The following ANLN variants were observed in gnomAD, a reference collection of about 807,000 sequenced individuals.
The protein encoded by ANLN is anillin, actin binding protein, also known as anillin.
Under a neutral mutation model 135.1 loss-of-function variants are expected in ANLN, and 59 were observed. The observed-to-expected ratio is 0.44, with a 90% CI of 0.35 to 0.54. The LOEUF (loss-of-function observed/expected upper bound fraction) is 0.54. Ranked by LOEUF, ANLN falls within the 20% of genes least tolerant of loss-of-function variation. The probability of loss-of-function intolerance (pLI) is 0.00; values close to 1 mark genes in which losing one functional copy is unlikely to be tolerated. For missense variants in ANLN, 1,182 were observed against 1,340.0 expected, an observed-to-expected ratio of 0.88 and a Z score of 1.84; for synonymous variants, 406 against 456.4, an observed-to-expected ratio of 0.89 and a Z score of 1.41.
chr7:36,431,947 C>G (rs1296678404), intron 20 of ANLN, among the ~76,000 whole-genome samples: 1 of 152,046 alleles, frequency 6.6e-6, no homozygotes, highest in African/African-American at 2.4e-5. Context: ...CACTGTAGCT[C>G]ATACCTACAA....
rs140434896 is a variant in ANLN at position 36,419,059 on chromosome 7, T to C, written c.1634-185T>C. ...AATATTCATTTCTTAGAAAGTGTTA[T>C]TGAAGCTGAAGATTTTCTTGGTTTC... On this transcript the variant is annotated intron_variant, in intron 9 of 23. Coordinates refer to ENST00000265748, the MANE Select transcript of ANLN (RefSeq NM_018685.5). 0.014 allele frequency among the ~76,000 whole-genome samples: 2,070 copies of C among 152,338 alleles called. 21 individuals are homozygous for C. The highest frequency in any genetic ancestry group is 0.018 in the Non-Finnish European group (1,209 of 68,022).
intron 20 of ANLN, among the ~76,000 whole-genome samples, chr7:36,435,386 G>C (rs929844289): frequency 4.4e-5 from 3 of 68,232 alleles, no homozygotes; most frequent in South Asian, 5.3e-4. Context: ...TAGAGATGGT[G>C]GGGGGGGGGT....
rs1057061233 is a variant in ANLN at position 36,428,095 on chromosome 7, G to A, written c.2883+1067G>A. Among the ~76,000 whole-genome samples, 31 of 152,144 alleles carry A rather than the reference G, an allele frequency of 2.0e-4. 1 individual carries two copies. Among genetic ancestry groups the A allele is most frequent in the Admixed American group, 2.0e-3 (30 of 15,268 alleles). The stretch of plus-strand genomic sequence containing the variant: ...CAGTACAGAAATATTAGTTTAGCCT[G>A]AAACAATCTAAAATTCTATGAAATG... On this transcript the variant is annotated intron_variant, in intron 20 of 23. Transcript: ENST00000265748.
chr7:36,439,164 T>C (rs370202224), intron 20 of ANLN, 40 bp from the exon 21 acceptor site: 54 of 1,142,526 alleles, frequency 4.7e-5, no homozygotes, highest in Non-Finnish European at 6.6e-5. Flanking sequence ...AATCACACTT[T>C]GAACCTGTTT....
intron 1 of ANLN, among the ~76,000 whole-genome samples, chr7:36,391,444 CTT>C (rs1265120231): frequency 6.6e-6 from 1 of 152,278 alleles, no homozygotes; most frequent in East Asian, 1.9e-4. Flanking sequence ...CTGAAAGAAA[CTT>C]TACCTGTTTA....
rs376778595 is a variant in ANLN, at chr7:36,410,522, G to A, written c.1105G>A (p.Gly369Arg). 2.5e-6 allele frequency: 4 copies of A among 1,598,922 alleles called. No homozygotes were observed. The highest frequency in any genetic ancestry group is 3.4e-6 in the Non-Finnish European group (4 of 1,174,738). ...KDKSTTPGGT[G>R]IKPFLERFGE... is the part of the protein sequence containing the mutation. Reference sequence around the variant, plus strand: ...GTGTGTGTTTTCTGTAGGAGGAACAGGAATTAAGCCTTTCCTGGAACGCTT... The same window carrying A: ...GTGTGTGTTTTCTGTAGGAGGAACAAGAATTAAGCCTTTCCTGGAACGCTT... Residue 369 changes from glycine (G) to arginine (R), a missense_variant, in exon 6 of 24, where the codon GGA becomes AGA. Transcript: ENST00000265748.
At chr7:36,436,184 G>T (rs1788543017) in intron 20 of ANLN, among the ~76,000 whole-genome samples, 1 of 151,934 alleles carries the variant, frequency 6.6e-6, no homozygotes, top group African/African-American at 2.4e-5. Context: ...TATCTATTCT[G>T]TATATTTCAT....
rs190166890 is a variant in ANLN at position 36,412,391 on chromosome 7, C to T, written c.1395+1225C>T. ...TTGCCCAGGCTGGAGTGCAATGGCA[C>T]GATCTTGGCTTACTGCAACCTCCAC... On this transcript the variant is annotated intron_variant, in intron 7 of 23. Transcript: ENST00000265748. Among the ~76,000 whole-genome samples, 18 of 145,332 alleles carry T rather than the reference C, an allele frequency of 1.2e-4. No homozygotes were observed. In the East Asian group the frequency reaches 1.6e-3, roughly 13 times the overall value.
In ANLN at chr7:36,401,979, A is replaced by G. The variant is rs1292735901; in HGVS notation, c.487+2586A>G. Among the ~76,000 whole-genome samples, 2 of 117,860 alleles carry G rather than the reference A, an allele frequency of 1.7e-5. 1 individual carries two copies. Among genetic ancestry groups the G allele is most frequent in the Non-Finnish European group, 3.7e-5 (2 of 54,072 alleles). 77.3% of individuals were successfully genotyped at this position (117,860 alleles called of 152,430 possible). On this transcript the variant is annotated intron_variant, in intron 3 of 23. Transcript: ENST00000265748. ...GATATTTCTACATAAGCTGCCCCTT[A>G]ATGTGCATGCAATTAAGAGTAGGTA... is the stretch of plus-strand genomic sequence containing the variant.
intron 22 of ANLN, among the ~76,000 whole-genome samples, chr7:36,446,521 A>G (rs1789005555): frequency 1.3e-5 from 2 of 152,182 alleles, no homozygotes; most frequent in African/African-American, 4.8e-5. Context: ...ACTCACAGCA[A>G]AAGATGAAGT....
In ANLN at chr7:36,449,829, T is replaced by C; in HGVS notation, c.3243T>C (p.Cys1081=). ...TCAGCCAATGCAGGGACACACTCTG[T>C]GTTACCAAGTATGTATTGGCCTATA... The part of the protein sequence containing the change: ...TLVSQCRDTL[C]VTKNWLSADT... Residue 1081 remains cysteine, a synonymous_variant, in exon 23 of 24, where the codon TGT becomes TGC. Transcript: ENST00000265748. 3 of 1,613,432 alleles carry C rather than the reference T, an allele frequency of 1.9e-6. No homozygotes were observed. Among genetic ancestry groups the C allele is most frequent in the East Asian group, 2.2e-5 (1 of 44,854 alleles).
At chr7:36,427,362 G>GT (rs1178488862) in intron 20 of ANLN, among the ~76,000 whole-genome samples, 17 of 149,534 alleles carry the variant, frequency 1.1e-4, no homozygotes, top group South Asian at 4.3e-4. Context: ...TTTCTTTGTG[G>GT]TTTTTTTTGT....
In ANLN at chr7:36,419,497, A is replaced by G; in HGVS notation, c.1869+18A>G. 1 of 1,599,452 alleles carries G rather than the reference A, an allele frequency of 6.3e-7. No individual in the cohort carries two copies. Among genetic ancestry groups the G allele is most frequent in the Non-Finnish European group, 8.6e-7 (1 of 1,169,478 alleles). On this transcript the variant is annotated intron_variant, in intron 10 of 23. Transcript: ENST00000265748. ...GTCCAGAGGTAAGAAAAGGCTAACT[A>G]AACAGGCCCAGGACATAAGTAAACT...
At chr7:36,404,906 G>A (rs1446591938) in intron 3 of ANLN, among the ~76,000 whole-genome samples, 3 of 152,186 alleles carry the variant, frequency 2.0e-5, no homozygotes. Flanking sequence ...ACGGTGTGCA[G>A]TTTAAAACCA....
chr7:36,448,162 C>T (rs1313576889), intron 22 of ANLN, among the ~76,000 whole-genome samples: 3 of 152,022 alleles, frequency 2.0e-5, no homozygotes, highest in African/African-American at 2.4e-5. Context: ...TACAGGCAAG[C>T]GCCACCACGC....
intron 20 of ANLN, among the ~76,000 whole-genome samples, chr7:36,430,013 C>T (rs971490498): frequency 6.6e-6 from 1 of 152,164 alleles, no homozygotes; most frequent in African/African-American, 2.4e-5. Flanking sequence ...AAATCTGGAA[C>T]AAATTTTGTG....
intron 23 of ANLN, among the ~76,000 whole-genome samples, chr7:36,451,844 C>T (rs1789258390): frequency 6.6e-6 from 1 of 152,138 alleles, no homozygotes; most frequent in Non-Finnish European, 1.5e-5. Context: ...TCTGGCCTGC[C>T]CCATCAACTA....
intron 20 of ANLN, among the ~76,000 whole-genome samples, chr7:36,431,622 A>G (rs1168162162): frequency 1.8e-5 from 2 of 108,550 alleles, no homozygotes; most frequent in Non-Finnish European, 3.9e-5. Context: ...TATATAATAT[A>G]TATATATATA....
chr7:36,435,997 G>A (rs1788534622), intron 20 of ANLN, among the ~76,000 whole-genome samples: 1 of 150,266 alleles, frequency 6.7e-6, no homozygotes, highest in Admixed American at 6.6e-5. Context: ...ACAATTTTAA[G>A]GTAAACTATT....
Sources: allele counts gnomAD v4.1 joint callset (sites outside exome capture counted in the v4.1 genomes callset), GRCh38; gene constraint gnomAD v4.1.1; transcripts MANE v1.5; gene names NCBI Gene and HGNC (gene_info 2026-07-23, HGNC 2026-07-21).